FNBP4: variants seen among roughly 807,000 people sequenced by gnomAD.
The protein encoded by FNBP4 is formin-binding protein 4.
FNBP4 carries 34 observed loss-of-function variants against 119.3 expected under a neutral mutation model. The observed-to-expected ratio is 0.28, with a 90% CI of 0.22 to 0.38. The LOEUF (loss-of-function observed/expected upper bound fraction) is 0.38. Among genes scored for constraint, FNBP4 ranks in the 10% least tolerant of loss-of-function variants. FNBP4 has a pLI of 1.00. For synonymous variants in FNBP4, 462 were observed against 430.6 expected, an observed-to-expected ratio of 1.07 and a Z score of -0.90; for missense variants, 1,112 against 1,228.9, an observed-to-expected ratio of 0.90 and a Z score of 1.42.
Position 47,752,930 on chromosome 11 carries a change from C to T in FNBP4, c.623G>A (p.Cys208Tyr), listed in dbSNP as rs1467714641. The change falls in exon 4 of 17, where the codon TGT becomes TAT. Residue 208 changes from cysteine (C) to tyrosine (Y), a missense_variant. Around this residue, in one of 2 missense-constraint regions of FNBP4, gnomAD observed 826 missense variants for 988.8 expected, o/e 0.84. Coordinates refer to ENST00000263773, the MANE Select transcript of FNBP4 (RefSeq NM_015308.5). Reference protein sequence around the residue: ...QTSGWQYDTQCSLAGVGIEMG... With the variant: ...QTSGWQYDTQYSLAGVGIEMG... Reference sequence around the variant, plus strand: ...ATCAAGTTTACCTCCTGCCAGTGAACACTGAGTATCATATTGCCAACCAGA... The same window carrying T: ...ATCAAGTTTACCTCCTGCCAGTGAATACTGAGTATCATATTGCCAACCAGA... 1.2e-6 allele frequency: 2 copies of T among 1,612,398 alleles called. No homozygotes were observed. The highest frequency in any genetic ancestry group is 3.4e-5 in the Admixed American group (2 of 59,676).
At chr11:47,755,016 G>A (rs1361634281) in intron 2 of FNBP4, among the ~76,000 whole-genome samples, 5 of 151,814 alleles carry the variant, frequency 3.3e-5, no homozygotes, top group African/African-American at 1.2e-4. Flanking sequence ...GGTAGCACGT[G>A]CCTGTAGTCC....
At chr11:47,754,345 C>G (rs1227014535) in intron 3 of FNBP4, among the ~76,000 whole-genome samples, 183 bp downstream of exon 3, 1 of 152,036 alleles carries the variant, frequency 6.6e-6, no homozygotes, top group Non-Finnish European at 1.5e-5. Context: ...GAGACCCCAT[C>G]TCTTAAAGTT....
intron 2 of FNBP4, among the ~76,000 whole-genome samples, chr11:47,757,676 T>A (rs935685147): frequency 6.6e-6 from 1 of 151,378 alleles, no homozygotes. Flanking sequence ...GCATTTTTAG[T>A]AGAGATGGGG....
At chr11:47,748,726 T>C (rs2135212939) in intron 6 of FNBP4, among the ~76,000 whole-genome samples, 1 of 152,136 alleles carries the variant, frequency 6.6e-6, no homozygotes. Context: ...CTCAGCTCAT[T>C]GCAACCTCTG....
chr11:47,764,813 T>C (rs989792446), intron 2 of FNBP4, among the ~76,000 whole-genome samples: 1 of 152,194 alleles, frequency 6.6e-6, no homozygotes, highest in African/African-American at 2.4e-5. Flanking sequence ...TAAGTGTGAA[T>C]GCCAGAGTGA....
chr11:47,724,895 C>T, intron 12 of FNBP4, 117 bp from the exon 13 acceptor site: 1 of 1,378,628 alleles, frequency 7.3e-7, no homozygotes, highest in Non-Finnish European at 9.5e-7. Flanking sequence ...GCACAGTGTA[C>T]AAAACAATAC....
chr11:47,746,005 T>C (rs2097589434), intron 7 of FNBP4, 51 bp downstream of exon 7: 19 of 1,415,396 alleles, frequency 1.3e-5, no homozygotes, highest in Non-Finnish European at 1.8e-5. Flanking sequence ...ATGATCCCTG[T>C]AGAGTAGTAC....
chr11:47,763,832 G>A (rs569227244), intron 2 of FNBP4, among the ~76,000 whole-genome samples: 1 of 152,130 alleles, frequency 6.6e-6, no homozygotes, highest in East Asian at 1.9e-4. Flanking sequence ...CTTTTTTTGA[G>A]AAAGGTGTTG....
intron 2 of FNBP4, among the ~76,000 whole-genome samples, chr11:47,760,445 T>G (rs1477714300): frequency 6.6e-6 from 1 of 151,192 alleles, no homozygotes; most frequent in African/African-American, 2.4e-5. Context: ...TGTTTTTTTT[T>G]TTTTTGGAGA....
At chr11:47,757,225 A>G (rs77685652) in intron 2 of FNBP4, among the ~76,000 whole-genome samples, 31,508 of 151,988 alleles carry the variant, frequency 0.21, 3,773 homozygotes, top group East Asian at 0.31. Context: ...GTTCTTAAAT[A>G]GCAATTTTAT....
At chr11:47,758,791 G>A (rs959056534) in intron 2 of FNBP4, among the ~76,000 whole-genome samples, 12 of 151,974 alleles carry the variant, frequency 7.9e-5, no homozygotes, top group African/African-American at 2.9e-4. Flanking sequence ...CCCGGAAGGT[G>A]GACATTGCAG....
chr11:47,767,049 G>A lies in FNBP4; in HGVS notation c.220+20C>T. The A allele has an allele frequency of 6.6e-7, 1 of 1,520,348 alleles. No individual in the cohort carries two copies. Among genetic ancestry groups the A allele is most frequent in the Non-Finnish European group, 8.8e-7 (1 of 1,140,748 alleles). 94.2% of individuals were successfully genotyped at this position (1,520,348 alleles called of 1,614,324 possible). A position where few individuals can be genotyped will look rare whatever the true frequency, so the allele number is the denominator to read the frequency against. On this transcript the variant is annotated intron_variant, in intron 1 of 16. Transcript: ENST00000263773. ...CCGCAAGCCCTGAGCTCGAGTTCAG[G>A]TCCCCCCGCGCACCCTTGCCTTCTG...
intron 8 of FNBP4, 76 bp from the exon 9 acceptor site, chr11:47,736,816 G>T: frequency 1.6e-6 from 2 of 1,269,484 alleles, no homozygotes; most frequent in African/African-American, 3.0e-5. Flanking sequence ...CCCCATAGCA[G>T]ATATCTGCAA....
rs999233750 is a variant in FNBP4, at chr11:47,734,987, C to CG, written c.1582-859_1582-858insC. Among the ~76,000 whole-genome samples the CG allele has an allele frequency of 2.5e-4, 28 of 112,448 alleles. No individual in the cohort carries two copies. The East Asian group carries it at 5.8e-3, about 23-fold the overall frequency. The allele number at this position is 112,448 out of a possible 152,430, so 73.8% of individuals were successfully genotyped here. A position where few individuals can be genotyped will look rare whatever the true frequency, so the allele number is the denominator to read the frequency against. ...ACTCCATCACCCCAACACCCCCCCCCCCAAAAAAAAAGGAAATCTAAAGCA... is the reference window on the plus strand; with the variant it reads ...ACTCCATCACCCCAACACCCCCCCCCGCCAAAAAAAAAGGAAATCTAAAGCA... On this transcript the variant is annotated intron_variant, in intron 9 of 16. Transcript: ENST00000263773.
intron 7 of FNBP4, 62 bp from the exon 8 acceptor site, chr11:47,744,225 AT>A: frequency 7.3e-7 from 1 of 1,361,050 alleles, no homozygotes; most frequent in Non-Finnish European, 1.0e-6. Flanking sequence ...TATAATCAGA[AT>A]AATAAACAAG....
At chr11:47,717,569 A>C in intron 16 of FNBP4, 57 bp from the exon 17 acceptor site, 1 of 1,223,282 alleles carries the variant, frequency 8.2e-7, no homozygotes, top group Non-Finnish European at 1.2e-6. Flanking sequence ...AAAAGTATTC[A>C]TTTCCCAGCA....
chr11:47,765,347 A>T lies in FNBP4; in HGVS notation c.236T>A (p.Val79Glu). 1.3e-6 allele frequency: 2 copies of T among 1,594,856 alleles called. No homozygotes were observed. Among genetic ancestry groups the T allele is most frequent in the Non-Finnish European group, 1.7e-6 (2 of 1,170,502 alleles). ...DSPSEDEQEA[V>E]QEVPRVVQNP... The stretch of plus-strand genomic sequence containing the variant: ...CTGAACAACTCTAGGAACCTCCTGC[A>T]CCGCTTCCTGTTCATCTGGATTAAA... Residue 79 changes from valine to glutamate, a missense_variant, in exon 2 of 17, where the codon GTG becomes GAG. Coordinates refer to ENST00000263773, the MANE Select transcript of FNBP4 (RefSeq NM_015308.5).
At chr11:47,735,101 C>G (rs1419294833) in intron 9 of FNBP4, among the ~76,000 whole-genome samples, 1 of 151,684 alleles carries the variant, frequency 6.6e-6, no homozygotes, top group Non-Finnish European at 1.5e-5. Context: ...CAAGACAACT[C>G]TCCAAGGTAA....
chr11:47,756,942 C>T (rs1028729554), intron 2 of FNBP4, among the ~76,000 whole-genome samples: 5 of 152,138 alleles, frequency 3.3e-5, no homozygotes, highest in Non-Finnish European at 7.3e-5. Flanking sequence ...TCCAGTCTAT[C>T]ATTGATGGAC....
Sources: allele counts gnomAD v4.1 joint callset (sites outside exome capture counted in the v4.1 genomes callset), GRCh38; gene constraint gnomAD v4.1.1; regional missense constraint gnomAD v4.1.1; transcripts MANE v1.5; gene names NCBI Gene and HGNC (gene_info 2026-07-23, HGNC 2026-07-21).